ZNF892: variants seen among roughly 807,000 people sequenced by gnomAD.
ZNF892 encodes the protein zinc finger protein 570-like.
the ZNF892 span, chr2:95,215,053 A>G: frequency 1.9e-6 from 1 of 512,934 alleles, no homozygotes; most frequent in Non-Finnish European, 3.5e-6. Context: ...GAATGTGGGA[A>G]GGCCTTCAGC....
chr2:95,263,318 A>G, the ZNF892 span, among the ~76,000 whole-genome samples: 3 of 152,194 alleles, frequency 2.0e-5, no homozygotes, highest in South Asian at 2.1e-4. Context: ...AGCCCAAGCC[A>G]TCAACCCACA....
chr2:95,255,098 A>T, the ZNF892 span, among the ~76,000 whole-genome samples: 1 of 151,944 alleles, frequency 6.6e-6, no homozygotes, highest in Non-Finnish European at 1.5e-5. Context: ...CTCTGATCTT[A>T]GTTATTTCTT....
At chr2:95,206,882 G>A in the ZNF892 span, among the ~76,000 whole-genome samples, 1 of 152,158 alleles carries the variant, frequency 6.6e-6, no homozygotes, top group African/African-American at 2.4e-5. Flanking sequence ...TGAGAAGCAA[G>A]GCTAGGTGAT....
At chr2:95,226,126 T>G in the ZNF892 span, among the ~76,000 whole-genome samples, 2 of 152,244 alleles carry the variant, frequency 1.3e-5, no homozygotes, top group Non-Finnish European at 2.9e-5. Flanking sequence ...ACAGTTCCAC[T>G]GGGCATTGCC....
chr2:95,240,052 A>G, the ZNF892 span, among the ~76,000 whole-genome samples: 1 of 152,208 alleles, frequency 6.6e-6, no homozygotes, highest in African/African-American at 2.4e-5. Flanking sequence ...CTTTTATAAG[A>G]TGAGAAACAA....
the ZNF892 span, among the ~76,000 whole-genome samples, chr2:95,209,398 C>T: frequency 3.9e-5 from 6 of 152,154 alleles, no homozygotes; most frequent in East Asian, 5.8e-4. Flanking sequence ...AGTCTACACT[C>T]GGTCTTATTC....
chr2:95,248,970 G>T, the ZNF892 span, among the ~76,000 whole-genome samples: 989 of 151,668 alleles, frequency 6.5e-3, 10 homozygotes, highest in Non-Finnish European at 0.01. Context: ...TGATTGAATT[G>T]GGGGTCTCAC....
the ZNF892 span, among the ~76,000 whole-genome samples, chr2:95,238,921 C>T: frequency 6.6e-6 from 1 of 151,986 alleles, no homozygotes; most frequent in Admixed American, 6.6e-5. Flanking sequence ...GGTGGATCAC[C>T]TGAGCTCAGG....
At chr2:95,211,306 G>A in the ZNF892 span, among the ~76,000 whole-genome samples, 2 of 152,150 alleles carry the variant, frequency 1.3e-5, no homozygotes, top group Admixed American at 6.5e-5. Context: ...TGTATAAGTA[G>A]TAGCAAATTC....
chr2:95,246,539 A>T, the ZNF892 span, among the ~76,000 whole-genome samples: 1 of 152,230 alleles, frequency 6.6e-6, no homozygotes, highest in Admixed American at 6.5e-5. Flanking sequence ...AAAGAAATAA[A>T]GGGTATTCAA....
the ZNF892 span, among the ~76,000 whole-genome samples, chr2:95,209,399 G>A: frequency 6.6e-6 from 1 of 152,180 alleles, no homozygotes; most frequent in Admixed American, 6.5e-5. Flanking sequence ...GTCTACACTC[G>A]GTCTTATTCC....
chr2:95,236,387 G>A, the ZNF892 span, among the ~76,000 whole-genome samples: 1 of 152,196 alleles, frequency 6.6e-6, no homozygotes, highest in African/African-American at 2.4e-5. Flanking sequence ...AGAGAAAAGA[G>A]TTTCCTTAAA....
At chr2:95,254,715 C>CT in the ZNF892 span, among the ~76,000 whole-genome samples, 238 of 152,160 alleles carry the variant, frequency 1.6e-3, no homozygotes, top group Middle Eastern at 6.8e-3. Context: ...TGGTCCTGGA[C>CT]TTTTTTTGGT....
the ZNF892 span, among the ~76,000 whole-genome samples, chr2:95,223,488 T>G: frequency 2.0e-5 from 3 of 152,096 alleles, no homozygotes; most frequent in Non-Finnish European, 4.4e-5. Context: ...AACCTCAACC[T>G]CCTGGGCTCA....
chr2:95,215,323 C>T, the ZNF892 span: 1 of 469,918 alleles, frequency 2.1e-6, no homozygotes, highest in Non-Finnish European at 3.8e-6. Context: ...AGTGACCGCT[C>T]AGCCCTTATT....
chr2:95,255,186 G>A, the ZNF892 span, among the ~76,000 whole-genome samples: 3 of 152,044 alleles, frequency 2.0e-5, no homozygotes, highest in Non-Finnish European at 4.4e-5. Flanking sequence ...GTCAATTTTA[G>A]ATCTTTCCTG....
the ZNF892 span, among the ~76,000 whole-genome samples, chr2:95,232,728 T>A: frequency 6.6e-6 from 1 of 152,318 alleles, no homozygotes; most frequent in Admixed American, 6.5e-5. Context: ...AAAAGGATTC[T>A]ATTTTATCAT....
At chr2:95,215,282 C>G in the ZNF892 span, 21 of 479,192 alleles carry the variant, frequency 4.4e-5, no homozygotes, top group Non-Finnish European at 7.4e-5. Context: ...GGGAGAAACC[C>G]TATAAATGCA....
chr2:95,220,603 C>A, the ZNF892 span, among the ~76,000 whole-genome samples: 83 of 152,306 alleles, frequency 5.4e-4, 1 homozygote, highest in African/African-American at 1.9e-3. Flanking sequence ...CTCCACCTTT[C>A]CCGTGACATC....
Sources: allele counts gnomAD v4.1 joint callset (sites outside exome capture counted in the v4.1 genomes callset), GRCh38; gene constraint gnomAD v4.1.1; transcripts MANE v1.5; gene names NCBI Gene and HGNC (gene_info 2026-07-23, HGNC 2026-07-21).